Variants in RPH3AL observed in about 807,000 individuals in gnomAD.
The protein encoded by RPH3AL is rab effector Noc2.
A neutral mutation model predicts 43.1 loss-of-function variants in RPH3AL; 38 were observed. The ratio of observed to expected loss-of-function variants is 0.88; its 90% CI spans 0.68 to 1.15. The LOEUF is 1.15. Ranked by LOEUF, RPH3AL falls within the 50% of genes most tolerant of loss-of-function variation. RPH3AL has a pLI of 0.00. For missense variants in RPH3AL, 462 were observed against 423.2 expected (o/e 1.09, Z -0.81); for synonymous variants, 189 against 176.3 (o/e 1.07, Z -0.57).
At chr17:220,504 C>A (rs79933155) in intron 7 of RPH3AL, among the ~76,000 whole-genome samples, 1 of 72,606 alleles carries the variant, frequency 1.4e-5, no homozygotes, top group Admixed American at 1.1e-4. Context: ...AGCACATCAG[C>A]TCTGAGGCCT....
In RPH3AL at chr17:273,219, T is replaced by A. The variant is rs76276504; in HGVS notation, c.438+8549A>T. 1.1e-3 allele frequency among the ~76,000 whole-genome samples: 48 copies of A among 41,946 alleles called. 2 individuals are homozygous for A. Among genetic ancestry groups the A allele is most frequent in the African/African-American group, 2.4e-3 (21 of 8,792 alleles). 27.5% of individuals were successfully genotyped at this position (41,946 alleles called of 152,430 possible). A position where few individuals can be genotyped will look rare whatever the true frequency, so the allele number is the denominator to read the frequency against. On this transcript the variant is annotated intron_variant, in intron 6 of 9. Transcript: ENST00000331302. ...GACCCCAGCGAGGGTGACGTCAGGG[T>A]GAGACCCCAGCGAGGGCGACGTCAG... is the stretch of plus-strand genomic sequence containing the variant.
chr17:245,814 T>G lies in RPH3AL; in HGVS notation c.613+1297A>C, dbSNP rs529301738. 1.5e-4 allele frequency among the ~76,000 whole-genome samples: 23 copies of G among 152,018 alleles called. No individual in the cohort carries two copies. Among genetic ancestry groups the G allele is most frequent in the African/African-American group, 5.1e-4 (21 of 41,470 alleles). On this transcript the variant is annotated intron_variant, in intron 7 of 9. Transcript: ENST00000331302. The surrounding 1 kb of genome is among the most constrained non-coding windows in gnomAD (Gnocchi z 5.9). ...GTGTCCCAGCCAGGCCTGCACCCCC[T>G]CCTCCTGAGGGACTCCCCGCCTGCA...
intron 5 of RPH3AL, among the ~76,000 whole-genome samples, chr17:288,389 G>A (rs1383332537): frequency 2.0e-3 from 7 of 3,556 alleles, no homozygotes; most frequent in Non-Finnish European, 6.7e-3. Context: ...TCTCTCCACC[G>A]TCAGACCTCA....
chr17:314,862 G>GC (rs1388119206), intron 5 of RPH3AL, among the ~76,000 whole-genome samples: 10 of 26,116 alleles, frequency 3.8e-4, no homozygotes, highest in Non-Finnish European at 4.3e-4. Flanking sequence ...TAGTCCCTGT[G>GC]CCCCACCTCC....
intron 2 of RPH3AL, chr17:332,497 T>G (rs1248774848): frequency 6.0e-6 from 1 of 167,806 alleles, no homozygotes; most frequent in Non-Finnish European, 1.3e-5. Flanking sequence ...CTTCCCTCCC[T>G]TCCTGATGCC....
chr17:263,492 C>T (rs1210085459), intron 6 of RPH3AL, among the ~76,000 whole-genome samples: 3 of 152,122 alleles, frequency 2.0e-5, no homozygotes, highest in Admixed American at 1.3e-4. Context: ...AGCCGCCGGG[C>T]GACTGCCGTT....
intron 7 of RPH3AL, among the ~76,000 whole-genome samples, chr17:226,016 C>T (rs570930157): frequency 6.6e-6 from 1 of 152,368 alleles, no homozygotes; most frequent in East Asian, 1.9e-4. Context: ...CCATGCCGTG[C>T]CATGTCGTGA....
chr17:316,385 G>A (rs796247522), intron 5 of RPH3AL, among the ~76,000 whole-genome samples: 8,315 of 137,548 alleles, frequency 0.06, 461 homozygotes, highest in African/African-American at 0.18. Context: ...TAGTCTCTCT[G>A]CACCCACCTC....
At chr17:242,705 A>G (rs1288029941) in intron 7 of RPH3AL, among the ~76,000 whole-genome samples, 2 of 86,718 alleles carry the variant, frequency 2.3e-5, no homozygotes, top group Non-Finnish European at 4.7e-5. Context: ...ACCTTCCTCT[A>G]TTGATTACCT....
At chr17:257,385 G>A (rs371546209) in intron 6 of RPH3AL, among the ~76,000 whole-genome samples, 106 of 1,612 alleles carry the variant, frequency 0.066, 1 homozygote, top group African/African-American at 0.09. Context: ...TACTTCCTAT[G>A]AGGGGAGCTG....
intron 2 of RPH3AL, chr17:332,716 C>T (rs1018216713): frequency 7.4e-6 from 2 of 269,080 alleles, no homozygotes; most frequent in South Asian, 4.1e-5. Flanking sequence ...GGGTAGTCGG[C>T]CTCAAGGCAG....
chr17:346,148 G>C (rs956230668), intron 1 of RPH3AL, among the ~76,000 whole-genome samples: 2 of 135,044 alleles, frequency 1.5e-5, no homozygotes, highest in Non-Finnish European at 3.4e-5. Flanking sequence ...CTGAGGCTCA[G>C]AGAGGTAAAT....
At chr17:285,108 G>T (rs956370679) in intron 5 of RPH3AL, among the ~76,000 whole-genome samples, 1 of 152,162 alleles carries the variant, frequency 6.6e-6, no homozygotes, top group African/African-American at 2.4e-5. Context: ...ACCAGGACTG[G>T]GATCCTCTCT....
In RPH3AL at chr17:264,788, T is replaced by A. The variant is rs2042282515; in HGVS notation, c.438+16980A>T. Among the ~76,000 whole-genome samples the A allele has an allele frequency of 1.3e-5, 2 of 152,178 alleles. No individual in the cohort carries two copies. Among genetic ancestry groups the A allele is most frequent in the South Asian group, 4.1e-4 (2 of 4,830 alleles). On this transcript the variant is annotated intron_variant, in intron 6 of 9. Coordinates refer to ENST00000331302, the MANE Select transcript of RPH3AL (RefSeq NM_006987.4). This position sits in a 1 kb window ranked among gnomAD's most constrained non-coding sequence, Gnocchi z 4.8. ...TTCCCCAAACACCTGTTTACAGGTA[T>A]ATCACAGCTCAGGTGACCAATGGTT...
At position 266,203 on chromosome 17, in the gene RPH3AL, GGT is replaced by G. The variant is rs35841649; in HGVS notation, c.438+15563_438+15564del. On this transcript the variant is annotated intron_variant, in intron 6 of 9. Transcript: ENST00000331302. The stretch of plus-strand genomic sequence containing the variant: ...AAAGATGACACTTTAAGGCCCCAGT[GGT>G]GTGTGTGTGTGTGTGTGTGTGTGTG... 5.2e-3 allele frequency among the ~76,000 whole-genome samples: 766 copies of G among 147,936 alleles called. 3 individuals are homozygous for G. The highest frequency in any genetic ancestry group is 7.3e-3 in the Non-Finnish European group (489 of 66,690).
rs1255384506 is a variant in RPH3AL, at chr17:333,071, T to C, written c.-37+688A>G. 7.8e-7 allele frequency: 1 copy of C among 1,288,640 alleles called. No individual in the cohort carries two copies. Among genetic ancestry groups the C allele is most frequent in the South Asian group, 1.2e-5 (1 of 80,998 alleles). 79.8% of individuals were successfully genotyped at this position (1,288,640 alleles called of 1,614,324 possible). A position where few individuals can be genotyped will look rare whatever the true frequency, so the allele number is the denominator to read the frequency against. Reference sequence around the variant, plus strand: ...CTTCTTCCAGGAGGATGCAATTCTCTCTCTAAAGTCGAGAGCTCACCACCC... The same window carrying C: ...CTTCTTCCAGGAGGATGCAATTCTCCCTCTAAAGTCGAGAGCTCACCACCC... On this transcript the variant is annotated intron_variant, in intron 2 of 9. Transcript: ENST00000331302. This position sits in a 1 kb window ranked among gnomAD's most constrained non-coding sequence, Gnocchi z 4.5.
intron 1 of RPH3AL, chr17:339,245 G>C (rs984790003): frequency 1.3e-5 from 2 of 152,410 alleles, no homozygotes; most frequent in Admixed American, 1.3e-4. Context: ...TCCTGGCAGA[G>C]GCTAAGACCC....
chr17:265,754 CT>C (rs1327201131), intron 6 of RPH3AL, among the ~76,000 whole-genome samples: 1 of 152,264 alleles, frequency 6.6e-6, no homozygotes, highest in African/African-American at 2.4e-5. Flanking sequence ...TACTAAGCAT[CT>C]CGTGTACAGT....
chr17:242,239 C>G (rs1307930834), intron 7 of RPH3AL, among the ~76,000 whole-genome samples: 1 of 152,122 alleles, frequency 6.6e-6, no homozygotes, highest in African/African-American at 2.4e-5. Flanking sequence ...CTTGTAGTAT[C>G]TATTCATGAT....
Sources: allele counts gnomAD v4.1 joint callset (sites outside exome capture counted in the v4.1 genomes callset), GRCh38; gene constraint gnomAD v4.1.1; non-coding constraint Gnocchi (gnomAD v3.1); transcripts MANE v1.5; gene names NCBI Gene and HGNC (gene_info 2026-07-23, HGNC 2026-07-21).